The following LPGAT1 variants were observed in gnomAD, a reference collection of about 807,000 sequenced individuals.
LPGAT1 encodes lysophosphatidylglycerol acyltransferase 1.
In LPGAT1, 11 loss-of-function variants were observed where a neutral mutation model predicts 47.5. The ratio of observed to expected loss-of-function variants is 0.23; its 90% CI spans 0.15 to 0.38. LPGAT1 has a LOEUF of 0.38. LPGAT1 is among the 10% of genes least tolerant of loss of function. The pLI is 1.00. For synonymous variants in LPGAT1, 138 were observed against 144.2 expected (o/e 0.96, Z 0.31); for missense variants, 293 against 439.0 (o/e 0.67, Z 2.97).
chr1:211,806,925 C>T (rs1659782919), intron 2 of LPGAT1, among the ~76,000 whole-genome samples: 1 of 152,084 alleles, frequency 6.6e-6, no homozygotes, highest in Admixed American at 6.6e-5. Context: ...TAATATTATA[C>T]CAGAAGTCCT....
chr1:211,823,962 C>T (rs1044706794), intron 2 of LPGAT1, among the ~76,000 whole-genome samples: 5 of 149,454 alleles, frequency 3.3e-5, no homozygotes, highest in Admixed American at 2.0e-4. Flanking sequence ...AAAAAATTAA[C>T]AAATGTGGTA....
chr1:211,783,268 T>G lies in LPGAT1; in HGVS notation c.688A>C (p.Lys230Gln). Residue 230 changes from lysine to glutamine, a missense_variant, in exon 5 of 8, where the codon AAA becomes CAA. Coordinates refer to ENST00000366997, the MANE Select transcript of LPGAT1 (RefSeq NM_014873.3). ...IILNALVAQQ[K>Q]NGSPAGGDAK... ...TCTCCTCCTGCTGGACTTCCATTTTTCTGTTGTGCTACAAGTGCATTCAAA... is the reference window on the plus strand; with the variant it reads ...TCTCCTCCTGCTGGACTTCCATTTTGCTGTTGTGCTACAAGTGCATTCAAA... The G allele has an allele frequency of 6.2e-7, 1 of 1,613,388 alleles. No homozygotes were observed. Among genetic ancestry groups the G allele is most frequent in the Non-Finnish European group, 8.5e-7 (1 of 1,179,320 alleles).
rs1238691033 is a variant in LPGAT1, at chr1:211,749,330, TC to T, written c.*568del. 1 of 155,500 alleles carries T rather than the reference TC, an allele frequency of 6.4e-6. No individual in the cohort carries two copies. The highest frequency in any genetic ancestry group is 6.5e-5 in the Admixed American group (1 of 15,348). 9.6% of individuals were successfully genotyped at this position (155,500 alleles called of 1,614,324 possible). On this transcript the variant is annotated 3_prime_UTR_variant, in exon 8 of 8. Coordinates refer to ENST00000366997, the MANE Select transcript of LPGAT1 (RefSeq NM_014873.3). ...GAAGGGGTCCAGTGGACACTGCTTT[TC>T]CCCCACAGAGAATGTCAATATTCTA...
intron 3 of LPGAT1, among the ~76,000 whole-genome samples, chr1:211,788,198 T>A (rs1055942502): frequency 1.3e-5 from 2 of 152,140 alleles, no homozygotes; most frequent in African/African-American, 4.8e-5. Context: ...AATAAAACAT[T>A]TAAAAATTAA....
chr1:211,760,790 C>T (rs568673571), intron 6 of LPGAT1, among the ~76,000 whole-genome samples: 15 of 152,270 alleles, frequency 9.9e-5, no homozygotes, highest in South Asian at 6.2e-4. Context: ...GAAGGGTGCT[C>T]GGAGCAACAT....
In LPGAT1 at chr1:211,745,346, AAAT is replaced by A. The variant is rs1198456781; in HGVS notation, c.*4550_*4552del. 4.6e-5 allele frequency: 7 copies of A among 152,360 alleles called. No homozygotes were observed. The East Asian group carries it at 5.8e-4, about 13-fold the overall frequency. 9.4% of individuals were successfully genotyped at this position (152,360 alleles called of 1,614,324 possible). A position where few individuals can be genotyped will look rare whatever the true frequency, so the allele number is the denominator to read the frequency against. On this transcript the variant is annotated 3_prime_UTR_variant, in exon 8 of 8. Transcript: ENST00000366997. Reference sequence around the variant, plus strand: ...TAAAGAAAATGAAAGCACTTAATAAAAATAATGGCAGTTGAAAGTATAACTGTC... The same window carrying A: ...TAAAGAAAATGAAAGCACTTAATAAAAATGGCAGTTGAAAGTATAACTGTC...
chr1:211,807,675 A>C (rs921007216), intron 2 of LPGAT1, among the ~76,000 whole-genome samples: 2 of 152,206 alleles, frequency 1.3e-5, no homozygotes, highest in Non-Finnish European at 2.9e-5. Flanking sequence ...CTTTTCAACA[A>C]ATAATGTTGC....
intron 6 of LPGAT1, among the ~76,000 whole-genome samples, chr1:211,753,002 A>T (rs978631051): frequency 2.0e-5 from 3 of 152,068 alleles, no homozygotes; most frequent in African/African-American, 7.2e-5. Context: ...ATAAAATTTT[A>T]TTTAAAAAAC....
At chr1:211,815,888 C>T (rs2102595295) in intron 2 of LPGAT1, among the ~76,000 whole-genome samples, 1 of 150,778 alleles carries the variant, frequency 6.6e-6, no homozygotes, top group South Asian at 2.1e-4. Context: ...ACGCCATTCT[C>T]CTGCCTCAGC....
chr1:211,770,583 A>C (rs1316448464), intron 6 of LPGAT1, among the ~76,000 whole-genome samples: 2 of 152,330 alleles, frequency 1.3e-5, no homozygotes, highest in Non-Finnish European at 2.9e-5. Context: ...GAGCTGAAAA[A>C]TTCCTGTTGC....
chr1:211,796,882 T>A (rs1659372863), intron 2 of LPGAT1, among the ~76,000 whole-genome samples: 1 of 152,224 alleles, frequency 6.6e-6, no homozygotes, highest in African/African-American at 2.4e-5. Flanking sequence ...ACATGTTTTA[T>A]CTCTCAATCA....
At chr1:211,817,449 T>C (rs1660213752) in intron 2 of LPGAT1, among the ~76,000 whole-genome samples, 1 of 151,728 alleles carries the variant, frequency 6.6e-6, no homozygotes, top group African/African-American at 2.4e-5. Flanking sequence ...CCGGCGCCTG[T>C]AGTCCCAGCT....
chr1:211,829,815 T>C, intron 1 of LPGAT1: 1 of 985,914 alleles, frequency 1.0e-6, no homozygotes. Flanking sequence ...TCTCTGGCTC[T>C]AGCGAAGAGT....
At chr1:211,751,888 TC>T (rs140916551) in intron 6 of LPGAT1, among the ~76,000 whole-genome samples, 2,732 of 152,248 alleles carry the variant, frequency 0.018, 29 homozygotes, top group Non-Finnish European at 0.023. Flanking sequence ...GATTATCACC[TC>T]TTTTAGCTGA....
chr1:211,821,439 C>T (rs1331076206), intron 2 of LPGAT1, among the ~76,000 whole-genome samples: 1 of 151,908 alleles, frequency 6.6e-6, no homozygotes, highest in Non-Finnish European at 1.5e-5. Flanking sequence ...AGAATTAAGA[C>T]AAAAACAGAT....
intron 5 of LPGAT1, 73 bp downstream of exon 5, chr1:211,783,156 C>A: frequency 7.7e-7 from 1 of 1,303,560 alleles, no homozygotes; most frequent in Non-Finnish European, 1.0e-6. Context: ...TAAAAAAGAA[C>A]AATGATCATC....
intron 6 of LPGAT1, among the ~76,000 whole-genome samples, chr1:211,762,826 CT>C (rs999293726): frequency 2.0e-5 from 3 of 152,194 alleles, no homozygotes; most frequent in African/African-American, 7.2e-5. Context: ...CTGGCACCCC[CT>C]ATACTGGAGT....
In LPGAT1 at chr1:211,747,228, C is replaced by G. The variant is rs905270976; in HGVS notation, c.*2671G>C. 4 of 152,068 alleles carry G rather than the reference C, an allele frequency of 2.6e-5. No homozygotes were observed. The highest frequency in any genetic ancestry group is 9.7e-5 in the African/African-American group (4 of 41,396). 9.4% of individuals were successfully genotyped at this position (152,068 alleles called of 1,614,324 possible). The stretch of plus-strand genomic sequence containing the variant: ...CTTCTCTAGTGCAAGCAGGAGAACT[C>G]CAGTTACTGATAAGGAAAGCACTAC... On this transcript the variant is annotated 3_prime_UTR_variant, in exon 8 of 8. Coordinates refer to ENST00000366997, the MANE Select transcript of LPGAT1 (RefSeq NM_014873.3).
chr1:211,765,231 T>C (rs1404649734), intron 6 of LPGAT1, among the ~76,000 whole-genome samples: 2 of 152,342 alleles, frequency 1.3e-5, no homozygotes, highest in Non-Finnish European at 2.9e-5. Context: ...AGTATAAAAA[T>C]TCTCATATGC....
Sources: allele counts gnomAD v4.1 joint callset (sites outside exome capture counted in the v4.1 genomes callset), GRCh38; gene constraint gnomAD v4.1.1; transcripts MANE v1.5; gene names NCBI Gene and HGNC (gene_info 2026-07-23, HGNC 2026-07-21).